Variants in FRMD4A observed in about 807,000 individuals in gnomAD.
FRMD4A encodes FERM domain-containing protein 4A.
FRMD4A carries 29 observed loss-of-function variants against 129.1 expected under a neutral mutation model. That is an observed-to-expected ratio of 0.22 (90% CI 0.17 to 0.31). The LOEUF is 0.31. Among genes scored for constraint, FRMD4A ranks in the 10% least tolerant of loss-of-function variants. The probability of loss-of-function intolerance (pLI) is 1.00; values close to 1 mark genes in which losing one functional copy is unlikely to be tolerated. For missense variants in FRMD4A, 1,272 were observed against 1,375.8 expected (o/e 0.92, Z 1.19); for synonymous variants, 634 against 571.6 (o/e 1.11, Z -1.56).
At chr10:14,330,024 C>G (rs1408066381) in intron 2 of FRMD4A, 34 bp downstream of exon 2, 1 of 1,550,346 alleles carries the variant, frequency 6.5e-7, no homozygotes, top group Non-Finnish European at 8.7e-7. Context: ...GGAGTGGACG[C>G]TGCCCGGGCC....
chr10:14,298,235 T>A (rs955761554), intron 2 of FRMD4A, among the ~76,000 whole-genome samples: 2 of 152,168 alleles, frequency 1.3e-5, no homozygotes, highest in African/African-American at 4.8e-5. Context: ...CAAGATCCAG[T>A]GTCTACATGA....
chr10:13,849,000 T>C (rs925990988), intron 3 of FRMD4A, among the ~76,000 whole-genome samples: 2 of 152,242 alleles, frequency 1.3e-5, no homozygotes, highest in Non-Finnish European at 2.9e-5. Flanking sequence ...GCTTTTCAAA[T>C]GTTAAATATT....
intron 8 of FRMD4A, among the ~76,000 whole-genome samples, chr10:13,750,071 A>AG (rs1419229095): frequency 3.0e-4 from 20 of 66,578 alleles, no homozygotes; most frequent in African/African-American, 8.6e-4. Flanking sequence ...GAAGGAAGGA[A>AG]GAAAGAAAGA....
chr10:13,901,442 TC>T (rs1369226773), intron 2 of FRMD4A, among the ~76,000 whole-genome samples: 2 of 151,836 alleles, frequency 1.3e-5, no homozygotes, highest in Non-Finnish European at 2.9e-5. Flanking sequence ...GAAACCTGTC[TC>T]TACAAAAAAT....
At chr10:14,311,118 T>C (rs893912576) in intron 2 of FRMD4A, among the ~76,000 whole-genome samples, 9 of 152,126 alleles carry the variant, frequency 5.9e-5, no homozygotes, top group Non-Finnish European at 1.3e-4. Flanking sequence ...TGCATCCCTC[T>C]GTGTGTCTGT....
chr10:13,805,019 G>A (rs1211660158), intron 4 of FRMD4A, among the ~76,000 whole-genome samples: 1 of 152,138 alleles, frequency 6.6e-6, no homozygotes, highest in East Asian at 1.9e-4. Flanking sequence ...GTCTGTGAGT[G>A]TTGTAAAATG....
intron 2 of FRMD4A, among the ~76,000 whole-genome samples, chr10:14,169,881 CCA>C (rs1841386106): frequency 6.6e-6 from 1 of 152,128 alleles, no homozygotes; most frequent in Non-Finnish European, 1.5e-5. Context: ...GTCAAGCCTT[CCA>C]CAGTCATCCC....
chr10:13,801,055 T>C (rs970212463), intron 4 of FRMD4A, among the ~76,000 whole-genome samples: 1 of 152,222 alleles, frequency 6.6e-6, no homozygotes, highest in Admixed American at 6.5e-5. Context: ...GAGACCATCC[T>C]GGCCAACATG....
At chr10:14,324,068 T>C (rs1843168496) in intron 2 of FRMD4A, among the ~76,000 whole-genome samples, 1 of 152,224 alleles carries the variant, frequency 6.6e-6, no homozygotes, top group Admixed American at 6.5e-5. Context: ...CCTGGTCACA[T>C]CAGTCAGTAA....
intron 24 of FRMD4A, chr10:13,649,685 C>T (rs1423576119): frequency 6.6e-6 from 1 of 152,186 alleles, no homozygotes; most frequent in Non-Finnish European, 1.5e-5. Context: ...ATGTATTGGT[C>T]TTTTATTCTC....
At chr10:13,732,593 G>A (rs2090388231) in intron 12 of FRMD4A, among the ~76,000 whole-genome samples, 1 of 152,184 alleles carries the variant, frequency 6.6e-6, no homozygotes, top group Non-Finnish European at 1.5e-5. Context: ...TCTGCCGCCG[G>A]GCAGGAGCAG....
chr10:13,881,524 G>A (rs1467256539), intron 2 of FRMD4A, among the ~76,000 whole-genome samples: 1 of 152,200 alleles, frequency 6.6e-6, no homozygotes, highest in Non-Finnish European at 1.5e-5. Context: ...CTAGCAGAGA[G>A]AAGAGCTGAC....
At chr10:13,837,139 T>TA (rs1452305094) in intron 3 of FRMD4A, among the ~76,000 whole-genome samples, 1 of 152,138 alleles carries the variant, frequency 6.6e-6, no homozygotes, top group Non-Finnish European at 1.5e-5. Flanking sequence ...TTCCCAAACT[T>TA]ACTTGACGCA....
chr10:14,213,429 C>T (rs796993469), intron 2 of FRMD4A, among the ~76,000 whole-genome samples: 1 of 152,104 alleles, frequency 6.6e-6, no homozygotes, highest in African/African-American at 2.4e-5. Flanking sequence ...TCTTTGAGCT[C>T]AGAGAGGGTA....
intron 2 of FRMD4A, among the ~76,000 whole-genome samples, chr10:14,018,591 C>A (rs2095706706): frequency 6.6e-6 from 1 of 151,814 alleles, no homozygotes; most frequent in Admixed American, 6.6e-5. Flanking sequence ...GAAGTGACAC[C>A]ATCCAATCTG....
chr10:14,178,509 T>G (rs1490708762), intron 2 of FRMD4A, among the ~76,000 whole-genome samples: 1 of 152,212 alleles, frequency 6.6e-6, no homozygotes, highest in East Asian at 1.9e-4. Flanking sequence ...TGACTGCACC[T>G]TTTATGTCTT....
chr10:13,906,762 C>A (rs955599219), intron 2 of FRMD4A, among the ~76,000 whole-genome samples: 2 of 152,148 alleles, frequency 1.3e-5, no homozygotes, highest in Non-Finnish European at 2.9e-5. Flanking sequence ...CAATTCCATC[C>A]CTGTCCTCTG....
At chr10:13,985,634 G>A (rs375469559) in intron 2 of FRMD4A, among the ~76,000 whole-genome samples, 6 of 152,198 alleles carry the variant, frequency 3.9e-5, no homozygotes, top group African/African-American at 7.2e-5. Flanking sequence ...GAACCATGTC[G>A]CAGCCCTGGC....
At chr10:13,772,404 AAT>A (rs1443189144) in intron 6 of FRMD4A, among the ~76,000 whole-genome samples, 3 of 151,826 alleles carry the variant, frequency 2.0e-5, no homozygotes, top group Non-Finnish European at 2.9e-5. Context: ...TGGCCTAGCA[AAT>A]TTCTCAATTT....
Sources: gnomAD v4.1 joint callset for allele counts (sites outside exome capture counted in the v4.1 genomes callset) on GRCh38, gnomAD v4.1.1 for gene constraint, MANE v1.5 for transcripts, NCBI Gene and HGNC (gene_info 2026-07-23, HGNC 2026-07-21) for gene names.